Variants in ANKRD36 observed in about 807,000 individuals in gnomAD.
ANKRD36 encodes ankyrin repeat domain-containing protein 36A.
In ANKRD36, 179 loss-of-function variants were observed where a neutral mutation model predicts 278.1. The observed-to-expected ratio is 0.64, with a 90% CI of 0.57 to 0.73. ANKRD36 has a LOEUF of 0.73. Among genes scored for constraint, ANKRD36 ranks in the 30% least tolerant of loss-of-function variants. The pLI is 0.00. For missense variants in ANKRD36, 1,159 were observed against 1,956.7 expected, an observed-to-expected ratio of 0.59 and a Z score of 7.69; for synonymous variants, 320 against 641.1, an observed-to-expected ratio of 0.50 and a Z score of 7.57.
intron 17 of ANKRD36, among the ~76,000 whole-genome samples, chr2:97,160,575 T>C (rs796467366): frequency 1.3e-5 from 2 of 151,074 alleles, no homozygotes; most frequent in African/African-American, 4.9e-5. Context: ...TTTGAAGACA[T>C]GTAAATCTTC....
chr2:97,161,478 C>T (rs1575120458), intron 17 of ANKRD36, among the ~76,000 whole-genome samples: 1 of 151,928 alleles, frequency 6.6e-6, no homozygotes, highest in Non-Finnish European at 1.5e-5. Flanking sequence ...GTTTTTGTTT[C>T]TCTCTTCTCC....
At chr2:97,193,698 C>T (rs995402738) in intron 38 of ANKRD36, among the ~76,000 whole-genome samples, 1 of 151,564 alleles carries the variant, frequency 6.6e-6, no homozygotes, top group Non-Finnish European at 1.5e-5. Flanking sequence ...CACACTGACC[C>T]ATTACTCCTC....
chr2:97,113,484 G>C lies in ANKRD36; in HGVS notation c.-256G>C. 1.9e-6 allele frequency: 1 copy of C among 515,964 alleles called. No homozygotes were observed. Among genetic ancestry groups the C allele is most frequent in the Non-Finnish European group, 3.3e-6 (1 of 298,838 alleles). 32.0% of individuals were successfully genotyped at this position (515,964 alleles called of 1,614,324 possible). On this transcript the variant is annotated 5_prime_UTR_variant, in exon 1 of 76. Coordinates refer to ENST00000420699, the MANE Select transcript of ANKRD36 (RefSeq NM_001354587.1). The stretch of plus-strand genomic sequence containing the variant: ...CTCCCGCGGCACCTCCGCAGCAACC[G>C]CCGCCTGCACTGGGCGCGCGAGAGC...
intron 54 of ANKRD36, 130 bp downstream of exon 54, chr2:97,208,136 C>T: frequency 9.5e-7 from 1 of 1,047,404 alleles, no homozygotes; most frequent in Admixed American, 2.8e-5. Flanking sequence ...TTCTTCATTT[C>T]AAATAAGTTC....
chr2:97,125,272 G>GTT (rs571322204), intron 5 of ANKRD36, among the ~76,000 whole-genome samples: 1 of 151,258 alleles, frequency 6.6e-6, no homozygotes, highest in African/African-American at 2.4e-5. Context: ...GTTACAACTG[G>GTT]TTTTTTTTAG....
At chr2:97,176,191 C>G (rs1035260884) in intron 22 of ANKRD36, among the ~76,000 whole-genome samples, 9 of 151,722 alleles carry the variant, frequency 5.9e-5, no homozygotes, top group Admixed American at 1.3e-4. Context: ...TTGACTTTCT[C>G]TCTTGTTGAT....
intron 22 of ANKRD36, among the ~76,000 whole-genome samples, chr2:97,176,786 G>A (rs1313792521): frequency 6.6e-6 from 1 of 151,622 alleles, no homozygotes; most frequent in African/African-American, 2.4e-5. Flanking sequence ...TCGATTTTTA[G>A]CGCTTCCTTC....
At chr2:97,225,618 T>C (rs1202669950) in intron 67 of ANKRD36, among the ~76,000 whole-genome samples, 1 of 152,108 alleles carries the variant, frequency 6.6e-6, no homozygotes, top group Non-Finnish European at 1.5e-5. Context: ...AATTTGCTTT[T>C]CTTTTTTTAT....
chr2:97,192,750 A>G (rs2058800837), intron 36 of ANKRD36, 108 bp from the exon 37 acceptor site: 4 of 1,415,550 alleles, frequency 2.8e-6, no homozygotes, highest in South Asian at 2.4e-5. Context: ...ATCAAAGCCT[A>G]CGCTAATACA....
intron 26 of ANKRD36, among the ~76,000 whole-genome samples, chr2:97,182,484 AAT>A (rs1249248608): frequency 6.7e-6 from 1 of 149,046 alleles, no homozygotes; most frequent in Non-Finnish European, 1.5e-5. Context: ...TAGTTATTCA[AAT>A]GAGATAAACA....
rs71429324 is a variant in ANKRD36, at chr2:97,143,729, C to G, written c.902-789C>G. Among the ~76,000 whole-genome samples, 11 of 152,396 alleles carry G rather than the reference C, an allele frequency of 7.2e-5. No individual in the cohort carries two copies. In the South Asian group the frequency reaches 1.9e-3, roughly 26 times the overall value. ...TAAAGTGGTTATTTTCAATGAATAT[C>G]AGAGCAATTTCCAAATGGAAAAGCT... On this transcript the variant is annotated intron_variant, in intron 8 of 75. Transcript: ENST00000420699.
intron 34 of ANKRD36, among the ~76,000 whole-genome samples, chr2:97,190,717 T>C (rs1453596559): frequency 6.6e-6 from 1 of 151,758 alleles, no homozygotes; most frequent in Non-Finnish European, 1.5e-5. Flanking sequence ...CACATTGATA[T>C]TGACACGGTT....
chr2:97,144,750 A>G (rs2043820882), intron 10 of ANKRD36, 38 bp downstream of exon 10: 7 of 1,538,076 alleles, frequency 4.6e-6, no homozygotes, highest in Admixed American at 2.0e-5. Context: ...ATGTACAGTC[A>G]AGATAGAGAA....
At chr2:97,206,331 A>G (rs1031098415) in intron 52 of ANKRD36, among the ~76,000 whole-genome samples, 196 bp downstream of exon 52, 1 of 151,414 alleles carries the variant, frequency 6.6e-6, no homozygotes, top group African/African-American at 2.4e-5. Flanking sequence ...AAGATTATAC[A>G]CTTCCCCACG....
At chr2:97,124,658 A>G in intron 5 of ANKRD36, 61 bp downstream of exon 5, 2 of 1,494,288 alleles carry the variant, frequency 1.3e-6, no homozygotes, top group Non-Finnish European at 1.8e-6. Context: ...AATTGTAACA[A>G]TTGCATCTTA....
In ANKRD36 at chr2:97,183,562, T is replaced by G. The variant is rs770644419; in HGVS notation, c.1867-20T>G. 5 of 1,552,554 alleles carry G rather than the reference T, an allele frequency of 3.2e-6. No individual in the cohort carries two copies. In the South Asian group the frequency reaches 5.9e-5, roughly 18 times the overall value. On this transcript the variant is annotated intron_variant, in intron 27 of 75. Transcript: ENST00000420699. Reference sequence around the variant, plus strand: ...AAATATGTATTATATATTGACTATTTTGTTTCTCTTTCCATTCAGGTTATA... The same window carrying G: ...AAATATGTATTATATATTGACTATTGTGTTTCTCTTTCCATTCAGGTTATA...
intron 30 of ANKRD36, among the ~76,000 whole-genome samples, 182 bp from the exon 31 acceptor site, chr2:97,187,016 A>G (rs1419660661): frequency 1.3e-5 from 2 of 151,944 alleles, no homozygotes; most frequent in African/African-American, 4.8e-5. Context: ...ATCGTGGCAC[A>G]TCTATTTCTG....
At position 97,191,534 on chromosome 2, in the gene ANKRD36, G is replaced by A. The variant is rs563689152; in HGVS notation, c.2347+353G>A. 1.1e-4 allele frequency among the ~76,000 whole-genome samples: 16 copies of A among 151,738 alleles called. 1 individual carries two copies. The highest frequency in any genetic ancestry group is 3.4e-3 in the Middle Eastern group (1 of 294). ...GTATAGATTTTACAAACGTCACATC[G>A]TACTGCTAAAAACAGACAGAAAACT... On this transcript the variant is annotated intron_variant, in intron 36 of 75. Coordinates refer to ENST00000420699, the MANE Select transcript of ANKRD36 (RefSeq NM_001354587.1).
chr2:97,192,999 G>C lies in ANKRD36; in HGVS notation c.2395G>C (p.Gly799Arg). Reference protein sequence around the residue: ...PALTATSDEEGSVLSIARENK... With the variant: ...PALTATSDEERSVLSIARENK... ...CATTCAGGCTACAAGTGACGAGGAA[G>C]GTTCTGTTTTGAGTATAGCCAGAGA... The change falls in exon 38 of 76, where the codon GGT becomes CGT. Residue 799 changes from glycine to arginine, a missense_variant. Gly to Arg is a moderately radical substitution (Grantham distance 125, BLOSUM62 -2). Transcript: ENST00000420699. 1.3e-6 allele frequency: 2 copies of C among 1,579,280 alleles called. No individual in the cohort carries two copies. Among genetic ancestry groups the C allele is most frequent in the Non-Finnish European group, 1.7e-6 (2 of 1,162,516 alleles).
Sources: allele counts gnomAD v4.1 joint callset (sites outside exome capture counted in the v4.1 genomes callset), GRCh38; gene constraint gnomAD v4.1.1; transcripts MANE v1.5; gene names NCBI Gene and HGNC (gene_info 2026-07-23, HGNC 2026-07-21).